EPB41L4B: variants seen among roughly 807,000 people sequenced by gnomAD.
EPB41L4B encodes the protein erythrocyte membrane protein band 4.1 like 4B, also known as band 4.1-like protein 4B.
A neutral mutation model predicts 112.5 loss-of-function variants in EPB41L4B; 30 were observed. The observed-to-expected ratio is 0.27, with a 90% CI of 0.20 to 0.36. EPB41L4B has a LOEUF of 0.36. Among genes scored for constraint, EPB41L4B ranks in the 10% least tolerant of loss-of-function variants. The probability of loss-of-function intolerance (pLI) is 1.00; values close to 1 mark genes in which losing one functional copy is unlikely to be tolerated. For missense variants in EPB41L4B, 1,024 were observed against 1,133.3 expected, an observed-to-expected ratio of 0.90 and a Z score of 1.38; for synonymous variants, 408 against 439.7, an observed-to-expected ratio of 0.93 and a Z score of 0.90.
At chr9:109,253,013 A>G (rs1773228661) in intron 12 of EPB41L4B, among the ~76,000 whole-genome samples, 1 of 152,212 alleles carries the variant, frequency 6.6e-6, no homozygotes, top group Non-Finnish European at 1.5e-5. Flanking sequence ...CTTGAGCCGA[A>G]TATCTAAAAG....
chr9:109,320,490 TGCCGCTGCCGCTGCCGCTGCGCC>T lies in EPB41L4B; in HGVS notation c.-67_-45del. 1.3e-6 allele frequency: 1 copy of T among 780,988 alleles called. No individual in the cohort carries two copies. The highest frequency in any genetic ancestry group is 1.5e-6 in the Non-Finnish European group (1 of 647,094). 48.4% of individuals were successfully genotyped at this position (780,988 alleles called of 1,614,324 possible). ...CTGCCTCCGCCCCCTGCGCTGCCGC[TGCCGCTGCCGCTGCCGCTGCGCC>T]GCCGCCCGGGAGCGTCCCGCGACGC... On this transcript the variant is annotated 5_prime_UTR_variant, in exon 1 of 26. Coordinates refer to ENST00000374566, the MANE Select transcript of EPB41L4B (RefSeq NM_019114.5).
intron 16 of EPB41L4B, 72 bp from the exon 17 acceptor site, chr9:109,213,890 T>C (rs1833273188): frequency 3.6e-6 from 5 of 1,385,136 alleles, no homozygotes; most frequent in Non-Finnish European, 4.1e-6. Flanking sequence ...AAAGGGACAC[T>C]TGCCAGCGCC....
intron 25 of EPB41L4B, among the ~76,000 whole-genome samples, chr9:109,175,513 A>ACACACG (rs1491205014): frequency 1.2e-3 from 176 of 146,436 alleles, no homozygotes; most frequent in Admixed American, 1.9e-3. Flanking sequence ...ACACACACAC[A>ACACACG]GAGTAAATAC....
intron 17 of EPB41L4B, among the ~76,000 whole-genome samples, chr9:109,213,112 T>A (rs746943908): frequency 9.2e-5 from 14 of 152,214 alleles, no homozygotes; most frequent in Non-Finnish European, 1.8e-4. Context: ...TGTGCAACCT[T>A]GAGAAAGTCA....
intron 6 of EPB41L4B, among the ~76,000 whole-genome samples, 163 bp from the exon 7 acceptor site, chr9:109,258,460 T>C (rs1019131803): frequency 6.6e-6 from 1 of 152,226 alleles, no homozygotes; most frequent in East Asian, 1.9e-4. Flanking sequence ...TGGGTAGTCA[T>C]ATGTACACTC....
chr9:109,320,058 G>T, intron 1 of EPB41L4B, 83 bp downstream of exon 1: 1 of 1,173,778 alleles, frequency 8.5e-7, no homozygotes, highest in Non-Finnish European at 1.1e-6. Flanking sequence ...CAAGGGAAGC[G>T]CCCCCGATGC....
chr9:109,319,520 G>A (rs1261642241), intron 1 of EPB41L4B, among the ~76,000 whole-genome samples: 1 of 152,234 alleles, frequency 6.6e-6, no homozygotes, highest in Non-Finnish European at 1.5e-5. Flanking sequence ...CCCGCTGCGA[G>A]GAGGCTGCGG....
At chr9:109,271,834 AGAAAGGTGGTTTCTAATCT>A (rs1835631388) in intron 2 of EPB41L4B, among the ~76,000 whole-genome samples, 1 of 152,240 alleles carries the variant, frequency 6.6e-6, no homozygotes, top group Admixed American at 6.5e-5. Context: ...AACGGGTGTT[AGAAAGGTGGTTTCTAATCT>A]GAATTTCTCA....
chr9:109,253,572 G>A (rs115581703), intron 11 of EPB41L4B, 22 bp from the exon 12 acceptor site: 212 of 1,475,192 alleles, frequency 1.4e-4, no homozygotes, highest in Middle Eastern at 6.9e-4. Context: ...ATATTTTCTC[G>A]TGTGTTATCA....
rs769875059 is a variant in EPB41L4B at position 109,216,944 on chromosome 9, G to T, written c.1611C>A (p.Asn537Lys). The change falls in exon 16 of 26, where the codon AAC becomes AAA. Residue 537 changes from asparagine (N) to lysine (K), a missense_variant. Asn to Lys is a moderately conservative substitution (Grantham distance 94). Coordinates refer to ENST00000374566, the MANE Select transcript of EPB41L4B (RefSeq NM_019114.5). ...CACTTGTAAGGGACTTGCTGCTGGA[G>T]TTTGGGGACCTCAGAGGCCCCTCTT... ...ENKEGPLRSP[N>K]SSSKSLTKLS... The T allele has an allele frequency of 4.3e-6, 7 of 1,614,142 alleles. No individual in the cohort carries two copies.
rs551253136 is a variant in EPB41L4B at position 109,320,078 on chromosome 9, G to A, written c.306+63C>T. On this transcript the variant is annotated intron_variant, in intron 1 of 25. Coordinates refer to ENST00000374566, the MANE Select transcript of EPB41L4B (RefSeq NM_019114.5). The stretch of plus-strand genomic sequence containing the variant: ...GAAGCGCCCCCGATGCAAGCACTGG[G>A]GGAGGGGGAGCTGCCTCCAGGGGCG... The A allele has an allele frequency of 1.7e-4, 225 of 1,301,604 alleles. 1 individual carries two copies. The highest frequency in any genetic ancestry group is 9.6e-4 in the Admixed American group (25 of 26,162). The allele number at this position is 1,301,604 out of a possible 1,614,324, so 80.6% of individuals were successfully genotyped here.
chr9:109,255,505 C>T lies in EPB41L4B; in HGVS notation c.1169+6G>A, dbSNP rs1454135178. On this transcript the variant is annotated splice_donor_region_variant and intron_variant, in intron 11 of 25. Coordinates refer to ENST00000374566, the MANE Select transcript of EPB41L4B (RefSeq NM_019114.5). ...CGTGATCCGTGTTGCAGAAATGGCT[C>T]CCTACCTGAATCTGAAGCGAGAGCC... The T allele has an allele frequency of 3.1e-6, 5 of 1,613,684 alleles. No homozygotes were observed. Among genetic ancestry groups the T allele is most frequent in the Non-Finnish European group, 4.2e-6 (5 of 1,179,592 alleles).
chr9:109,240,925 C>T (rs1220795007), intron 15 of EPB41L4B: 65 of 985,276 alleles, frequency 6.6e-5, no homozygotes, highest in Non-Finnish European at 7.7e-5. Flanking sequence ...AAATGCTATG[C>T]AATTTAAGAT....
intron 18 of EPB41L4B, among the ~76,000 whole-genome samples, chr9:109,207,304 T>C (rs1295246561): frequency 6.6e-6 from 1 of 152,164 alleles, no homozygotes; most frequent in African/African-American, 2.4e-5. Context: ...GCACAATGGC[T>C]CATGCCTGTA....
At chr9:109,228,898 G>A (rs1260313711) in intron 15 of EPB41L4B, among the ~76,000 whole-genome samples, 2 of 152,100 alleles carry the variant, frequency 1.3e-5, no homozygotes, top group African/African-American at 4.8e-5. Flanking sequence ...GATTATCTAT[G>A]CTTTCTAAAT....
intron 15 of EPB41L4B, among the ~76,000 whole-genome samples, chr9:109,237,762 G>T (rs1200826870): frequency 3.3e-5 from 5 of 152,144 alleles, no homozygotes; most frequent in Non-Finnish European, 5.9e-5. Context: ...TGGTGTGTGT[G>T]AGTGGGAGAT....
intron 1 of EPB41L4B, among the ~76,000 whole-genome samples, chr9:109,294,470 C>T (rs1274020969): frequency 6.6e-6 from 1 of 151,826 alleles, no homozygotes; most frequent in African/African-American, 2.4e-5. Flanking sequence ...AGAATTTAGC[C>T]AAGAGCAGTT....
At chr9:109,251,778 CAAG>C (rs1834796415) in intron 12 of EPB41L4B, among the ~76,000 whole-genome samples, 1 of 152,158 alleles carries the variant, frequency 6.6e-6, no homozygotes, top group African/African-American at 2.4e-5. Context: ...TCTCTGCTCT[CAAG>C]AAGTTCCCTG....
intron 1 of EPB41L4B, among the ~76,000 whole-genome samples, chr9:109,303,251 T>TA (rs138745393): frequency 2.8e-4 from 42 of 148,606 alleles, no homozygotes; most frequent in African/African-American, 2.2e-4. Context: ...AAGTGATAAA[T>TA]AAAAAAAAAA....
Sources: allele counts gnomAD v4.1 joint callset (sites outside exome capture counted in the v4.1 genomes callset), GRCh38; gene constraint gnomAD v4.1.1; transcripts MANE v1.5; gene names NCBI Gene and HGNC (gene_info 2026-07-23, HGNC 2026-07-21).